COL7A1: variants seen among roughly 807,000 people sequenced by gnomAD.
COL7A1 encodes collagen type VII alpha 1 chain.
In COL7A1, 296 loss-of-function variants were observed where a neutral mutation model predicts 456.2. The observed-to-expected ratio is 0.65, with a 90% CI of 0.59 to 0.71. The LOEUF (loss-of-function observed/expected upper bound fraction) is 0.71, where lower values mean the gene tolerates loss of function less well. Ranked by LOEUF, COL7A1 falls within the 30% of genes least tolerant of loss-of-function variation. COL7A1 has a pLI of 0.00. For synonymous variants in COL7A1, 1,464 were observed against 1,525.9 expected (o/e 0.96, Z 0.95); for missense variants, 3,441 against 4,017.2 (o/e 0.86, Z 3.88).
rs2043662980 is a variant in COL7A1 at position 48,567,585 on chromosome 3, T to G, written c.8035A>C (p.Ile2679Leu). The G allele has an allele frequency of 6.2e-7, 1 of 1,614,004 alleles. No individual in the cohort carries two copies. The highest frequency in any genetic ancestry group is 1.1e-5 in the South Asian group (1 of 91,088). Residue 2679 changes from isoleucine to leucine, a missense_variant, in exon 109 of 119, where the codon ATC becomes CTC. Transcript: ENST00000681320. This position sits in a 1 kb window ranked among gnomAD's most constrained non-coding sequence, Gnocchi z 4.3. ...QSGAPGKEGL[I>L]GPKGDRGFDG... ...CACAGACCCTGTACCTTGGGACCGA[T>G]CAGGCCCTCCTTGCCAGGGGCCCCC...
chr3:48,567,401 C>T lies in COL7A1; in HGVS notation c.8046+173G>A, dbSNP rs2043654670. The T allele has an allele frequency of 3.0e-6, 3 of 1,013,924 alleles. No individual in the cohort carries two copies. The highest frequency in any genetic ancestry group is 4.5e-6 in the Non-Finnish European group (3 of 665,756). The allele number at this position is 1,013,924 out of a possible 1,614,324, so 62.8% of individuals were successfully genotyped here. A position where few individuals can be genotyped will look rare whatever the true frequency, so the allele number is the denominator to read the frequency against. On this transcript the variant is annotated intron_variant, in intron 109 of 118. Coordinates refer to ENST00000681320, the MANE Select transcript of COL7A1 (RefSeq NM_000094.4). This position sits in a 1 kb window ranked among gnomAD's most constrained non-coding sequence, Gnocchi z 4.3. ...CCCCTCCACCTCCCATGCTTTCATC[C>T]TAACTCCACTGTGACCCCAACCCAC...
chr3:48,591,823 C>T lies in COL7A1; in HGVS notation c.1358-1G>A, dbSNP rs2045722947. On this transcript the variant is annotated splice_acceptor_variant, in intron 11 of 118. Transcript: ENST00000681320. LOFTEE classifies it high-confidence loss of function. The surrounding 1 kb of genome is among the most constrained non-coding windows in gnomAD (Gnocchi z 7.0). ...ACCACCTTCTGCGGTGGCTCCAAGC[C>T]TGCAAGATAACAGGGTCAGACCAGC... 1 of 1,614,190 alleles carries T rather than the reference C, an allele frequency of 6.2e-7. No homozygotes were observed. The highest frequency in any genetic ancestry group is 8.5e-7 in the Non-Finnish European group (1 of 1,180,030).
At position 48,567,479 on chromosome 3, in the gene COL7A1, C is replaced by T; in HGVS notation, c.8046+95G>A. The T allele has an allele frequency of 1.3e-6, 2 of 1,554,834 alleles. No homozygotes were observed. Among genetic ancestry groups the T allele is most frequent in the Non-Finnish European group, 8.9e-7 (1 of 1,126,974 alleles). Reference sequence around the variant, plus strand: ...CAGCCCCCAAAGTCCCAACCCTCTACAGCCTTCCTTGTCCCTACACCCCCA... The same window carrying T: ...CAGCCCCCAAAGTCCCAACCCTCTATAGCCTTCCTTGTCCCTACACCCCCA... On this transcript the variant is annotated intron_variant, in intron 109 of 118. Coordinates refer to ENST00000681320, the MANE Select transcript of COL7A1 (RefSeq NM_000094.4). The surrounding 1 kb of genome is among the most constrained non-coding windows in gnomAD (Gnocchi z 4.3).
In COL7A1 at chr3:48,573,745, T is replaced by G. The variant is rs776448116; in HGVS notation, c.6538-20A>C. 4 of 1,612,484 alleles carry G rather than the reference T, an allele frequency of 2.5e-6. No homozygotes were observed. The Admixed American group carries it at 6.7e-5, about 27-fold the overall frequency. ...ACCACCCTGTTGTGGCGAAAAAGAGTCTGATGAGGGGGAGTTAGCCGCACC... is the reference window on the plus strand; with the variant it reads ...ACCACCCTGTTGTGGCGAAAAAGAGGCTGATGAGGGGGAGTTAGCCGCACC... On this transcript the variant is annotated intron_variant, in intron 81 of 118. Coordinates refer to ENST00000681320, the MANE Select transcript of COL7A1 (RefSeq NM_000094.4). The surrounding 1 kb of genome is among the most constrained non-coding windows in gnomAD (Gnocchi z 5.5).
chr3:48,565,166 A>G lies in COL7A1; in HGVS notation c.8563T>C (p.Tyr2855His). The change falls in exon 117 of 119, where the codon TAC (tyrosine) becomes CAC (histidine). Residue 2855 changes from tyrosine to histidine, a missense_variant. Tyr to His is a moderately conservative substitution (Grantham distance 83). Transcript: ENST00000681320. This position sits in a 1 kb window ranked among gnomAD's most constrained non-coding sequence, Gnocchi z 4.5. Reference sequence around the variant, plus strand: ...TACTCCTCCACAGAATACTCGGAGTATTCAGAGTACTCATCATCCTCAGGG... The same window carrying G: ...TACTCCTCCACAGAATACTCGGAGTGTTCAGAGTACTCATCATCCTCAGGG... ...VPPEDDEYSE[Y>H]SEYSVEEYQD... 1.2e-6 allele frequency: 2 copies of G among 1,614,046 alleles called. No individual in the cohort carries two copies. The highest frequency in any genetic ancestry group is 2.2e-5 in the East Asian group (1 of 44,882).
Position 48,593,727 on chromosome 3 carries a change from G to A in COL7A1, c.267-31C>T, listed in dbSNP as rs368872953. On this transcript the variant is annotated intron_variant, in intron 3 of 118. Transcript: ENST00000681320. This position sits in a 1 kb window ranked among gnomAD's most constrained non-coding sequence, Gnocchi z 4.4. ...GGAGGGTAGGGGTGGCAACAGGCTA[G>A]GACTCAGGATCTCTTCTGGCCCTGG... 6.2e-7 allele frequency: 1 copy of A among 1,614,038 alleles called. No individual in the cohort carries two copies. The highest frequency in any genetic ancestry group is 8.5e-7 in the Non-Finnish European group (1 of 1,180,012).
Position 48,582,632 on chromosome 3 carries a change from G to C in COL7A1, c.4540C>G (p.Arg1514Gly). The change falls in exon 45 of 119, where the codon CGT becomes GGT. Residue 1514 changes from arginine (R) to glycine (G), a missense_variant. By Grantham distance (125) the Arg-to-Gly change is moderately radical (BLOSUM62 -2). Transcript: ENST00000681320. ...ACTTCAGGACCCTTGGCTCCAGGAC[G>C]TCCAGCAACCCCTGGCAGCCCCTGG... ...GSRGLPGVAG[R>G]PGAKGPEGPP... The C allele has an allele frequency of 6.2e-7, 1 of 1,613,520 alleles. No homozygotes were observed. Among genetic ancestry groups the C allele is most frequent in the Non-Finnish European group, 8.5e-7 (1 of 1,180,026 alleles).
Position 48,572,032 on chromosome 3 carries a change from C to T in COL7A1, c.7037G>A (p.Arg2346His), listed in dbSNP as rs201432371. ...GPRGEKGEAG[R>H]AGEPGDPGED... The stretch of plus-strand genomic sequence containing the variant: ...CCCAGGGTCTCCGGGCTCCCCTGCA[C>T]GGCCAGCTTCACCCTGCACAGAATG... Residue 2346 changes from arginine (R) to histidine (H), a missense_variant, in exon 92 of 119, where the codon CGT (arginine) becomes CAT (histidine). Coordinates refer to ENST00000681320, the MANE Select transcript of COL7A1 (RefSeq NM_000094.4). This position sits in a 1 kb window ranked among gnomAD's most constrained non-coding sequence, Gnocchi z 4.6. 147 of 1,612,944 alleles carry T rather than the reference C, an allele frequency of 9.1e-5. No homozygotes were observed. The highest frequency in any genetic ancestry group is 4.3e-4 in the South Asian group (39 of 90,826).
chr3:48,594,975 G>C lies in COL7A1; in HGVS notation c.85+100C>G. Reference sequence around the variant, plus strand: ...GGAATCCGCGGGGCGTCGTGGAGTTGGCTGGGTTGTGGGCGGGGGGTGTTG... The same window carrying C: ...GGAATCCGCGGGGCGTCGTGGAGTTCGCTGGGTTGTGGGCGGGGGGTGTTG... On this transcript the variant is annotated intron_variant, in intron 2 of 118. Coordinates refer to ENST00000681320, the MANE Select transcript of COL7A1 (RefSeq NM_000094.4). This position sits in a 1 kb window ranked among gnomAD's most constrained non-coding sequence, Gnocchi z 5.5. 1 of 972,922 alleles carries C rather than the reference G, an allele frequency of 1.0e-6. No individual in the cohort carries two copies. The highest frequency in any genetic ancestry group is 1.6e-6 in the Non-Finnish European group (1 of 641,720). The allele number at this position is 972,922 out of a possible 1,614,324, so 60.3% of individuals were successfully genotyped here.
chr3:48,592,835 G>A lies in COL7A1; in HGVS notation c.786C>T (p.Tyr262=). 6.2e-7 allele frequency: 1 copy of A among 1,613,816 alleles called. No homozygotes were observed. Among genetic ancestry groups the A allele is most frequent in the Non-Finnish European group, 8.5e-7 (1 of 1,180,024 alleles). The change falls in exon 7 of 119, where the codon TAC becomes TAT. Residue 262 remains tyrosine, a synonymous_variant. Transcript: ENST00000681320. The surrounding 1 kb of genome is among the most constrained non-coding windows in gnomAD (Gnocchi z 7.6). ...CCGTCAGAGGAGTGTACTGGACCTTGTAGCCAGTCACAGGGCCACTGGCCG... is the reference window on the plus strand; with the variant it reads ...CCGTCAGAGGAGTGTACTGGACCTTATAGCCAGTCACAGGGCCACTGGCCG... ...WTAASGPVTG[Y]KVQYTPLTGL... is the part of the protein sequence containing the mutation.
Position 48,572,096 on chromosome 3 carries a change from G to C in COL7A1, c.7023+31C>G. 1 of 1,613,842 alleles carries C rather than the reference G, an allele frequency of 6.2e-7. No individual in the cohort carries two copies. The highest frequency in any genetic ancestry group is 1.1e-5 in the South Asian group (1 of 91,050). On this transcript the variant is annotated intron_variant, in intron 91 of 118. Transcript: ENST00000681320. This position sits in a 1 kb window ranked among gnomAD's most constrained non-coding sequence, Gnocchi z 4.6. ...GTCTGGACTGAGCCTTCTCTGCTCA[G>C]TAGTCAGGCCCCAGGGCCAACCCAC...
chr3:48,588,401 G>C lies in COL7A1; in HGVS notation c.2591C>G (p.Pro864Arg). ...CGTCCCCAGGGCTGGCGGAGCCTCA[G>C]GCGCTGGAGAGAAAGCTCAGGAATC... ...TPVSIVVTTP[P>R]EAPPALGTLH... Residue 864 changes from proline (P) to arginine (R), a missense_variant, in exon 21 of 119, where the codon CCT (proline) becomes CGT (arginine). Physicochemically the swap from Pro to Arg is moderately radical, Grantham distance 103. This residue lies in a region of COL7A1 where 444 missense variants were observed against 427.6 expected (regional missense o/e 1.04). Coordinates refer to ENST00000681320, the MANE Select transcript of COL7A1 (RefSeq NM_000094.4). This position sits in a 1 kb window ranked among gnomAD's most constrained non-coding sequence, Gnocchi z 4.6. The C allele has an allele frequency of 2.5e-6, 4 of 1,609,692 alleles. No homozygotes were observed. Among genetic ancestry groups the C allele is most frequent in the Non-Finnish European group, 3.4e-6 (4 of 1,179,782 alleles).
chr3:48,593,010 G>C lies in COL7A1; in HGVS notation c.683-72C>G, dbSNP rs2045821035. On this transcript the variant is annotated intron_variant, in intron 6 of 118. Transcript: ENST00000681320. The surrounding 1 kb of genome is among the most constrained non-coding windows in gnomAD (Gnocchi z 4.4). ...ATGTATGATGCAGAGTTGGGGTCGG[G>C]GTCAGGAGCACATAGGATGGAATCA... 1.2e-6 allele frequency: 2 copies of C among 1,612,408 alleles called. No homozygotes were observed. The highest frequency in any genetic ancestry group is 2.7e-5 in the African/African-American group (2 of 74,882).
At chr3:48,584,118 C>A (rs1292359698) in intron 37 of COL7A1, 57 bp from the exon 38 acceptor site, 2 of 1,613,500 alleles carry the variant, frequency 1.2e-6, no homozygotes, top group Admixed American at 1.7e-5. Context: ...CCAAAGATAC[C>A]AGGAGTGATG....
Position 48,565,297 on chromosome 3 carries a change from C to T in COL7A1, c.8528-96G>A, listed in dbSNP as rs550169353. 2.3e-5 allele frequency: 34 copies of T among 1,485,802 alleles called. No individual in the cohort carries two copies. Among genetic ancestry groups the T allele is most frequent in the Admixed American group, 5.7e-5 (3 of 52,840 alleles). The allele number at this position is 1,485,802 out of a possible 1,614,324, so 92.0% of individuals were successfully genotyped here. ...CCACTGTGTGCACACAGTGCCCATGCGTGTGCCCTGCATGCAGACCCTACG... is the reference window on the plus strand; with the variant it reads ...CCACTGTGTGCACACAGTGCCCATGTGTGTGCCCTGCATGCAGACCCTACG... On this transcript the variant is annotated intron_variant, in intron 116 of 118. Transcript: ENST00000681320. This position sits in a 1 kb window ranked among gnomAD's most constrained non-coding sequence, Gnocchi z 4.5.
rs146289794 is a variant in COL7A1 at position 48,572,476 on chromosome 3, C to T, written c.6936+27G>A. 25 of 1,613,862 alleles carry T rather than the reference C, an allele frequency of 1.5e-5. No individual in the cohort carries two copies. The highest frequency in any genetic ancestry group is 5.5e-5 in the South Asian group (5 of 91,086). On this transcript the variant is annotated intron_variant, in intron 89 of 118. Transcript: ENST00000681320. The surrounding 1 kb of genome is among the most constrained non-coding windows in gnomAD (Gnocchi z 4.6). ...CTTGGCCCCCACCAGTTGACCCCCC[C>T]TCACTGGCAGCCCCACACACACTCA...
Position 48,574,304 on chromosome 3 carries a change from A to G in COL7A1, c.6459T>C (p.Gly2153=). 1 of 1,614,136 alleles carries G rather than the reference A, an allele frequency of 6.2e-7. No homozygotes were observed. Among genetic ancestry groups the G allele is most frequent in the Non-Finnish European group, 8.5e-7 (1 of 1,180,008 alleles). Reference sequence around the variant, plus strand: ...CAGCCATACCACGCTCTCCTGGTAGACCCTGCAGAGAATAGGTTTAAGGCC... The same window carrying G: ...CAGCCATACCACGCTCTCCTGGTAGGCCCTGCAGAGAATAGGTTTAAGGCC... ...PGPRGQDGNP[G]LPGERGMAGP... The change falls in exon 80 of 119, where the codon GGT becomes GGC. Residue 2153 remains glycine (G), a splice_region_variant and synonymous_variant. Transcript: ENST00000681320. This position sits in a 1 kb window ranked among gnomAD's most constrained non-coding sequence, Gnocchi z 5.0.
At position 48,573,224 on chromosome 3, in the gene COL7A1, G is replaced by A; in HGVS notation, c.6664C>T (p.Pro2222Ser). Residue 2222 changes from proline to serine, a missense_variant, in exon 85 of 119, where the codon CCT becomes TCT. Around this residue, in one of 3 missense-constraint regions of COL7A1, gnomAD observed 2,084 missense variants for 2,501.3 expected, o/e 0.83. Coordinates refer to ENST00000681320, the MANE Select transcript of COL7A1 (RefSeq NM_000094.4). The surrounding 1 kb of genome is among the most constrained non-coding windows in gnomAD (Gnocchi z 5.5). ...TGPPGRGLTG[P>S]TGAVGLPGPP... ...CCAGGAAGTCCCACAGCTCCAGTAG[G>A]TCCAGTCAGGCCCTGGAGGAAGAGA... 6.2e-7 allele frequency: 1 copy of A among 1,614,162 alleles called. No individual in the cohort carries two copies. The highest frequency in any genetic ancestry group is 8.5e-7 in the Non-Finnish European group (1 of 1,180,044).
Position 48,574,319 on chromosome 3 carries a change from G to A in COL7A1, c.6457-13C>T. 6.2e-7 allele frequency: 1 copy of A among 1,614,154 alleles called. No homozygotes were observed. The stretch of plus-strand genomic sequence containing the variant: ...CTCCTGGTAGACCCTGCAGAGAATA[G>A]GTTTAAGGCCTTAGTTTCCCAGTTC... On this transcript the variant is annotated splice_polypyrimidine_tract_variant and intron_variant, in intron 79 of 118. Coordinates refer to ENST00000681320, the MANE Select transcript of COL7A1 (RefSeq NM_000094.4). This position sits in a 1 kb window ranked among gnomAD's most constrained non-coding sequence, Gnocchi z 5.0.
Sources: gnomAD v4.1 joint callset for allele counts on GRCh38, gnomAD v4.1.1 for gene constraint, gnomAD v4.1.1 regional missense constraint, Gnocchi (gnomAD v3.1) non-coding constraint, MANE v1.5 for transcripts, NCBI Gene and HGNC (gene_info 2026-07-23, HGNC 2026-07-21) for gene names.